The following ZSCAN2 variants were observed in gnomAD, a reference collection of about 807,000 sequenced individuals.
ZSCAN2 encodes zinc finger and SCAN domain-containing protein 2.
A neutral mutation model predicts 47.8 loss-of-function variants in ZSCAN2; 26 were observed. The observed-to-expected ratio is 0.54, with a 90% CI of 0.40 to 0.75. The LOEUF (loss-of-function observed/expected upper bound fraction) is 0.75, where lower values mean the gene tolerates loss of function less well. Ranked by LOEUF, ZSCAN2 falls within the 30% of genes least tolerant of loss-of-function variation. The pLI, the probability that ZSCAN2 is intolerant of heterozygous loss-of-function variation, is 0.00. For synonymous variants in ZSCAN2, 305 were observed against 288.7 expected (o/e 1.06, Z -0.57); for missense variants, 732 against 785.4 (o/e 0.93, Z 0.81).
chr15:84,622,960 G>T lies in ZSCAN2; in HGVS notation c.*920G>T. On this transcript the variant is annotated 3_prime_UTR_variant, in exon 3 of 3. Coordinates refer to ENST00000546148, the MANE Select transcript of ZSCAN2 (RefSeq NM_181877.4). Reference sequence around the variant, plus strand: ...ACAGCAGGGTGGGTTTGTGCCTTTGGCCCAACAGGTACATAGCCCCATAAT... The same window carrying T: ...ACAGCAGGGTGGGTTTGTGCCTTTGTCCCAACAGGTACATAGCCCCATAAT... 2.4e-6 allele frequency: 1 copy of T among 423,630 alleles called. No homozygotes were observed. Among genetic ancestry groups the T allele is most frequent in the Non-Finnish European group, 4.3e-6 (1 of 232,626 alleles). 26.2% of individuals were successfully genotyped at this position (423,630 alleles called of 1,614,324 possible).
At chr15:84,608,313 C>G (rs534929074) in intron 2 of ZSCAN2, among the ~76,000 whole-genome samples, 1 of 151,708 alleles carries the variant, frequency 6.6e-6, no homozygotes, top group Non-Finnish European at 1.5e-5. Flanking sequence ...GTGGATCACT[C>G]GAGGCCAGGA....
intron 2 of ZSCAN2, among the ~76,000 whole-genome samples, chr15:84,604,743 T>TC (rs1329969987): frequency 6.8e-6 from 1 of 146,330 alleles, no homozygotes; most frequent in African/African-American, 2.5e-5. Context: ...TTTTTCTTTT[T>TC]TTTTTTTTTT....
rs781046724 is a variant in ZSCAN2, at chr15:84,621,022, A to G, written c.827A>G (p.Lys276Arg). The stretch of plus-strand genomic sequence containing the variant: ...CACCAAACCACTCACACCGGGGAGA[A>G]GCCCTACAAATGCAGAGACTGTGGG... ...SRHQTTHTGE[K>R]PYKCRDCGKS... is the part of the protein sequence containing the mutation. Residue 276 changes from lysine (K) to arginine (R), a missense_variant, in exon 3 of 3, where the codon AAG becomes AGG. By Grantham distance (26) the Lys-to-Arg change is conservative. Transcript: ENST00000546148. This position sits in a 1 kb window ranked among gnomAD's most constrained non-coding sequence, Gnocchi z 5.7. The G allele has an allele frequency of 4.3e-6, 7 of 1,614,166 alleles. No individual in the cohort carries two copies. The highest frequency in any genetic ancestry group is 2.2e-5 in the South Asian group (2 of 91,084).
At chr15:84,614,817 T>G (rs1264421739) in intron 2 of ZSCAN2, 1 of 152,084 alleles carries the variant, frequency 6.6e-6, no homozygotes, top group Admixed American at 6.6e-5. Context: ...CAGTTGATTT[T>G]CTTTCCCCTT....
At position 84,621,771 on chromosome 15, in the gene ZSCAN2, G is replaced by A. The variant is rs773196670; in HGVS notation, c.1576G>A (p.Gly526Ser). The A allele has an allele frequency of 5.6e-6, 9 of 1,614,090 alleles. No homozygotes were observed. In the African/African-American group the frequency reaches 6.7e-5, roughly 12 times the overall value. Residue 526 changes from glycine (G) to serine (S), a missense_variant, in exon 3 of 3, where the codon GGC becomes AGC. By Grantham distance (56) the Gly-to-Ser change is moderately conservative. This residue lies in a region of ZSCAN2 where 412 missense variants were observed against 498.0 expected (regional missense o/e 0.83). Transcript: ENST00000546148. This position sits in a 1 kb window ranked among gnomAD's most constrained non-coding sequence, Gnocchi z 5.7. ...CGTAGTGCACCAGCGGACCCACACGGGCGAGAAGCCCTACAAATGCCTCAT... is the reference window on the plus strand; with the variant it reads ...CGTAGTGCACCAGCGGACCCACACGAGCGAGAAGCCCTACAAATGCCTCAT... ...QLVVHQRTHT[G>S]EKPYKCLMCG...
intron 2 of ZSCAN2, among the ~76,000 whole-genome samples, chr15:84,615,772 T>C (rs1895677300): frequency 6.6e-6 from 1 of 152,322 alleles, no homozygotes; most frequent in Non-Finnish European, 1.5e-5. Flanking sequence ...TTTCCTGTTG[T>C]CTTCATTTCT....
Position 84,604,278 on chromosome 15 carries a change from C to A in ZSCAN2, c.351C>A (p.Ser117Arg), listed in dbSNP as rs779905200. 1 of 1,614,018 alleles carries A rather than the reference C, an allele frequency of 6.2e-7. No homozygotes were observed. Among genetic ancestry groups the A allele is most frequent in the Non-Finnish European group, 8.5e-7 (1 of 1,179,946 alleles). ...GGCTGCAAGAGCATCGGCCTGAAAGCAGTGAGGAGGCAGCGGCCCTGGTGG... is the reference window on the plus strand; with the variant it reads ...GGCTGCAAGAGCATCGGCCTGAAAGAAGTGAGGAGGCAGCGGCCCTGGTGG... Reference protein sequence around the residue: ...QAWLQEHRPESSEEAAALVED... With the variant: ...QAWLQEHRPERSEEAAALVED... Residue 117 changes from serine (S) to arginine (R), a missense_variant, in exon 2 of 3, where the codon AGC (serine) becomes AGA (arginine). By Grantham distance (110) the Ser-to-Arg change is moderately radical (BLOSUM62 -1). Coordinates refer to ENST00000546148, the MANE Select transcript of ZSCAN2 (RefSeq NM_181877.4).
At position 84,620,747 on chromosome 15, in the gene ZSCAN2, C is replaced by T; in HGVS notation, c.552C>T (p.Ile184=). 6.2e-7 allele frequency: 1 copy of T among 1,614,216 alleles called. No individual in the cohort carries two copies. Among genetic ancestry groups the T allele is most frequent in the Non-Finnish European group, 8.5e-7 (1 of 1,180,052 alleles). ...GTGACTTTGAGAGAGATGCTGGCATCCAGAGGCTCCAGGGACACAGCCCAG... is the reference window on the plus strand; with the variant it reads ...GTGACTTTGAGAGAGATGCTGGCATTCAGAGGCTCCAGGGACACAGCCCAG... The part of the protein sequence containing the change: ...GESDFERDAG[I]QRLQGHSPGE... Residue 184 remains isoleucine (I), a synonymous_variant, in exon 3 of 3, where the codon ATC becomes ATT. Transcript: ENST00000546148.
rs529576452 is a variant in ZSCAN2 at position 84,604,802 on chromosome 15, A to G, written c.406+469A>G. ...ACCCAGGCTGGGGTGCAGTGGCACAATCTTGGCTCACTGCAACCTCCGTCT... is the reference window on the plus strand; with the variant it reads ...ACCCAGGCTGGGGTGCAGTGGCACAGTCTTGGCTCACTGCAACCTCCGTCT... On this transcript the variant is annotated intron_variant, in intron 2 of 2. Coordinates refer to ENST00000546148, the MANE Select transcript of ZSCAN2 (RefSeq NM_181877.4). 2.7e-5 allele frequency among the ~76,000 whole-genome samples: 4 copies of G among 149,934 alleles called. No homozygotes were observed. In the South Asian group the frequency reaches 6.3e-4, roughly 24 times the overall value.
intron 2 of ZSCAN2, among the ~76,000 whole-genome samples, chr15:84,619,160 G>A (rs906796008): frequency 5.9e-5 from 9 of 152,152 alleles, no homozygotes; most frequent in South Asian, 2.1e-4. Context: ...GGCTGGGCGC[G>A]GTGGCTCACG....
chr15:84,608,475 G>A (rs935571999), intron 2 of ZSCAN2, among the ~76,000 whole-genome samples: 10 of 149,048 alleles, frequency 6.7e-5, no homozygotes, highest in African/African-American at 2.0e-4. Context: ...GGAGGTTGTA[G>A]TGAGCTGAGA....
Position 84,620,591 on chromosome 15 carries a change from C to A in ZSCAN2, c.407-11C>A. ...TGAGTAGACATTGTATGTTTTTCTTCATTGTTTCAGATTTTGAGATACAGA... is the reference window on the plus strand; with the variant it reads ...TGAGTAGACATTGTATGTTTTTCTTAATTGTTTCAGATTTTGAGATACAGA... On this transcript the variant is annotated splice_polypyrimidine_tract_variant and intron_variant, in intron 2 of 2. Transcript: ENST00000546148. 6.3e-7 allele frequency: 1 copy of A among 1,583,352 alleles called. No individual in the cohort carries two copies. Among genetic ancestry groups the A allele is most frequent in the Non-Finnish European group, 8.6e-7 (1 of 1,158,036 alleles).
At chr15:84,604,837 A>G (rs569573246) in intron 2 of ZSCAN2, among the ~76,000 whole-genome samples, 40 of 147,946 alleles carry the variant, frequency 2.7e-4, no homozygotes, top group African/African-American at 9.3e-4. Flanking sequence ...TTCTGGGTTC[A>G]AGCAGTTCTC....
At chr15:84,603,365 A>T (rs1596024762) in intron 1 of ZSCAN2, among the ~76,000 whole-genome samples, 2 of 145,618 alleles carry the variant, frequency 1.4e-5, no homozygotes, top group Admixed American at 7.0e-5. Flanking sequence ...TGTGCTTGGG[A>T]TACTTTTTTT....
chr15:84,604,824 G>A (rs1458351132), intron 2 of ZSCAN2, among the ~76,000 whole-genome samples: 2 of 144,364 alleles, frequency 1.4e-5, no homozygotes, highest in African/African-American at 5.3e-5. Flanking sequence ...TGCAACCTCC[G>A]TCTTCTGGGT....
At chr15:84,607,729 G>C (rs1315602561) in intron 2 of ZSCAN2, among the ~76,000 whole-genome samples, 2 of 151,908 alleles carry the variant, frequency 1.3e-5, no homozygotes, top group Non-Finnish European at 2.9e-5. Context: ...GACTGGTCTC[G>C]AACTCCTGAC....
chr15:84,608,530 CAAA>C (rs1181525313), intron 2 of ZSCAN2, among the ~76,000 whole-genome samples: 4 of 92,662 alleles, frequency 4.3e-5, no homozygotes, highest in Non-Finnish European at 6.3e-5. Context: ...GACTCTGTCT[CAAA>C]AAAAAAAAAA....
intron 2 of ZSCAN2, among the ~76,000 whole-genome samples, chr15:84,610,277 C>A (rs923313873): frequency 6.6e-6 from 1 of 152,060 alleles, no homozygotes; most frequent in Non-Finnish European, 1.5e-5. Flanking sequence ...AAAATAGGTC[C>A]CAGATGGATT....
At chr15:84,616,236 CA>C (rs1457137506) in intron 2 of ZSCAN2, 6 of 890,362 alleles carry the variant, frequency 6.7e-6, no homozygotes, top group Admixed American at 1.8e-5. Context: ...GACTTCATCT[CA>C]AAAAAATAAA....
Sources: allele counts gnomAD v4.1 joint callset (sites outside exome capture counted in the v4.1 genomes callset), GRCh38; gene constraint gnomAD v4.1.1; regional missense constraint gnomAD v4.1.1; non-coding constraint Gnocchi (gnomAD v3.1); transcripts MANE v1.5; gene names NCBI Gene and HGNC (gene_info 2026-07-23, HGNC 2026-07-21).